Variants in DST observed in about 807,000 individuals in gnomAD.
DST encodes bullous pemphigoid antigen.
A neutral mutation model predicts 875.2 loss-of-function variants in DST; 253 were observed. That is an observed-to-expected ratio of 0.29 (90% CI 0.26 to 0.32). The LOEUF (loss-of-function observed/expected upper bound fraction) is 0.32, where lower values mean the gene tolerates loss of function less well. Ranked by LOEUF, DST falls within the 10% of genes least tolerant of loss-of-function variation. The pLI, the probability that DST is intolerant of heterozygous loss-of-function variation, is 1.00. For synonymous variants in DST, 3,124 were observed against 3,197.1 expected (o/e 0.98, Z 0.77); for missense variants, 8,287 against 9,111.6 (o/e 0.91, Z 3.68).
At chr6:56,801,809 G>C (rs2099747468) in intron 4 of DST, among the ~76,000 whole-genome samples, 1 of 148,242 alleles carries the variant, frequency 6.7e-6, no homozygotes, top group Non-Finnish European at 1.5e-5. Flanking sequence ...GAGCGCGATG[G>C]TATGATCTCA....
intron 49 of DST, among the ~76,000 whole-genome samples, chr6:56,590,513 T>G (rs944627879): frequency 1.3e-5 from 2 of 152,228 alleles, no homozygotes; most frequent in African/African-American, 4.8e-5. Context: ...TGTCACAGTA[T>G]CTCCTCTACC....
chr6:56,548,243 T>C (rs563362337), intron 61 of DST, among the ~76,000 whole-genome samples: 1 of 152,336 alleles, frequency 6.6e-6, no homozygotes, highest in African/African-American at 2.4e-5. Flanking sequence ...TATGAATTTG[T>C]GTTGGGCCAC....
chr6:56,851,243 A>T, intron 4 of DST, 154 bp downstream of exon 4: 4 of 717,546 alleles, frequency 5.6e-6, no homozygotes, highest in Non-Finnish European at 9.1e-6. Flanking sequence ...TCGGTAAAAC[A>T]AGGCATAAAG....
At chr6:56,614,593 C>G in intron 36 of DST, 109 bp from the exon 37 acceptor site, 1 of 1,343,234 alleles carries the variant, frequency 7.4e-7, no homozygotes, top group Non-Finnish European at 9.5e-7. Flanking sequence ...TCATCACACA[C>G]AGGTTACTAA....
At chr6:56,590,156 C>T (rs528158008) in intron 49 of DST, among the ~76,000 whole-genome samples, 1 of 152,246 alleles carries the variant, frequency 6.6e-6, no homozygotes, top group African/African-American at 2.4e-5. Flanking sequence ...AGAATTCATT[C>T]TCCTTTGAGA....
In DST at chr6:56,781,043, T is replaced by A. The variant is rs34500949; in HGVS notation, c.626-45754A>T. ...CAAAGATCAGATAGTTGTAGATATG[T>A]GGTGTTATTTCTGAGGGCTCTGTTC... On this transcript the variant is annotated intron_variant, in intron 4 of 103. Coordinates refer to ENST00000680361, the MANE Select transcript of DST (RefSeq NM_001374736.1). Among the ~76,000 whole-genome samples the A allele has an allele frequency of 3.3e-3, 505 of 152,098 alleles. 4 individuals are homozygous for A. Among genetic ancestry groups the A allele is most frequent in the African/African-American group, 0.012 (490 of 41,486 alleles).
At chr6:56,768,262 GA>G (rs2099639455) in intron 4 of DST, among the ~76,000 whole-genome samples, 2 of 152,134 alleles carry the variant, frequency 1.3e-5, no homozygotes, top group Admixed American at 1.3e-4. Context: ...ATAACAAGTT[GA>G]ATGACTAATA....
In DST at chr6:56,552,467, G is replaced by C. The variant is rs764275280; in HGVS notation, c.16325C>G (p.Ala5442Gly). 1 of 1,613,782 alleles carries C rather than the reference G, an allele frequency of 6.2e-7. No individual in the cohort carries two copies. Among genetic ancestry groups the C allele is most frequent in the African/African-American group, 1.3e-5 (1 of 74,918 alleles). Residue 5442 changes from alanine to glycine, a missense_variant, in exon 61 of 104, where the codon GCC (alanine) becomes GGC (glycine). Physicochemically the swap from Ala to Gly is moderately conservative, Grantham distance 60. Coordinates refer to ENST00000680361, the MANE Select transcript of DST (RefSeq NM_001374736.1). ...TAACATCATCTTGCAGGTTTTATTG[G>C]CATTGTCATTGCTTGCCATGAGGGC... Reference protein sequence around the residue: ...LEALMASNDNANKTCKMMLAT... With the variant: ...LEALMASNDNGNKTCKMMLAT...
chr6:56,643,516 T>C (rs1055150878), intron 15 of DST, among the ~76,000 whole-genome samples: 1 of 152,224 alleles, frequency 6.6e-6, no homozygotes, highest in Non-Finnish European at 1.5e-5. Context: ...TGCTTGTTTT[T>C]CCATTCTATA....
intron 5 of DST, among the ~76,000 whole-genome samples, chr6:56,712,020 G>A (rs1434281004): frequency 6.8e-6 from 1 of 147,834 alleles, no homozygotes; most frequent in Non-Finnish European, 1.5e-5. Flanking sequence ...GAACCCGGGA[G>A]GCGGAGCTTG....
intron 5 of DST, among the ~76,000 whole-genome samples, chr6:56,732,328 C>T (rs2099503114): frequency 6.6e-6 from 1 of 152,054 alleles, no homozygotes; most frequent in African/African-American, 2.4e-5. Flanking sequence ...CCAGTTATGG[C>T]TTTTTTTCAA....
Position 56,634,608 on chromosome 6 carries a change from A to C in DST, c.3348T>G (p.Ile1116Met). ...CCAAAACACATTCATCGTCTTTGTAAATGGTTATCTGGTTTAAAATAAAGA... is the reference window on the plus strand; with the variant it reads ...CCAAAACACATTCATCGTCTTTGTACATGGTTATCTGGTTTAAAATAAAGA... ...ICDYRQIEIT[I>M]YKDDECVLAN... is the part of the protein sequence containing the mutation. Residue 1116 changes from isoleucine to methionine, a missense_variant, in exon 26 of 104, where the codon ATT becomes ATG. By Grantham distance (10) the Ile-to-Met change is conservative (BLOSUM62 1). Around this residue, in one of 10 missense-constraint regions of DST, gnomAD observed 1,160 missense variants for 1,424.3 expected, o/e 0.81. Coordinates refer to ENST00000680361, the MANE Select transcript of DST (RefSeq NM_001374736.1). The C allele has an allele frequency of 6.2e-7, 1 of 1,614,158 alleles. No individual in the cohort carries two copies. Among genetic ancestry groups the C allele is most frequent in the Non-Finnish European group, 8.5e-7 (1 of 1,180,016 alleles).
chr6:56,572,392 A>G (rs548912411), intron 52 of DST, 126 bp from the exon 53 acceptor site: 8 of 573,402 alleles, frequency 1.4e-5, no homozygotes, highest in African/African-American at 1.3e-4. Context: ...GAGTCTGCCT[A>G]TGGCCAGTAT....
At chr6:56,913,138 C>G (rs901297485) in intron 2 of DST, among the ~76,000 whole-genome samples, 1 of 152,170 alleles carries the variant, frequency 6.6e-6, no homozygotes, top group Admixed American at 6.5e-5. Flanking sequence ...TAACACTTTT[C>G]CAGCATTGTT....
intron 90 of DST, 41 bp from the exon 91 acceptor site, chr6:56,477,529 G>A: frequency 6.2e-7 from 1 of 1,610,144 alleles, no homozygotes; most frequent in Non-Finnish European, 8.5e-7. Flanking sequence ...GTTGGCATTG[G>A]CTGAAAACAA....
intron 4 of DST, among the ~76,000 whole-genome samples, chr6:56,757,638 G>A (rs1379397810): frequency 6.6e-6 from 1 of 152,152 alleles, no homozygotes; most frequent in African/African-American, 2.4e-5. Context: ...GTGTTATATG[G>A]CAGCTTCTAG....
chr6:56,835,905 G>A (rs938926444), intron 4 of DST, among the ~76,000 whole-genome samples: 2 of 152,136 alleles, frequency 1.3e-5, no homozygotes, highest in African/African-American at 4.8e-5. Context: ...AAACATTTCA[G>A]GCATGTATCA....
intron 4 of DST, among the ~76,000 whole-genome samples, chr6:56,748,095 T>C (rs1000547812): frequency 5.9e-5 from 9 of 152,232 alleles, no homozygotes; most frequent in Non-Finnish European, 1.3e-4. Context: ...TGCTATTTTC[T>C]GTCCCAGCCA....
chr6:56,608,140 A>G lies in DST; in HGVS notation c.6488T>C (p.Leu2163Pro). 6.2e-7 allele frequency: 1 copy of G among 1,613,752 alleles called. No homozygotes were observed. Among genetic ancestry groups the G allele is most frequent in the Non-Finnish European group, 8.5e-7 (1 of 1,179,762 alleles). The change falls in exon 40 of 104, where the codon CTC becomes CCC. Residue 2163 changes from leucine to proline, a missense_variant. Physicochemically the swap from Leu to Pro is moderately conservative, Grantham distance 98 (BLOSUM62 -3). This residue lies in a region of DST where 3,138 missense variants were observed against 3,116.6 expected (regional missense o/e 1.01). Transcript: ENST00000680361. ...LEACKNARRW[L>P]SFCKFQPSTV... ...GGAGGGTTGAAATTTACAAAAAGAG[A>G]GCCATCTTCTGGCATTTTTACAAGC...
Sources: gnomAD v4.1 joint callset for allele counts (sites outside exome capture counted in the v4.1 genomes callset) on GRCh38, gnomAD v4.1.1 for gene constraint, gnomAD v4.1.1 regional missense constraint, MANE v1.5 for transcripts, NCBI Gene and HGNC (gene_info 2026-07-23, HGNC 2026-07-21) for gene names.